The following LRRC4C variants were observed in gnomAD, a reference collection of about 807,000 sequenced individuals.
LRRC4C encodes the protein leucine-rich repeat-containing protein 4C.
In LRRC4C, 5 loss-of-function variants were observed where a neutral mutation model predicts 33.6. That is an observed-to-expected ratio of 0.15 (90% CI 0.08 to 0.31). The LOEUF is 0.31. LRRC4C is among the 10% of genes least tolerant of loss of function. The probability of loss-of-function intolerance (pLI) is 1.00; values close to 1 mark genes in which losing one functional copy is unlikely to be tolerated. For missense variants in LRRC4C, 560 were observed against 796.7 expected, an observed-to-expected ratio of 0.70 and a Z score of 3.58; for synonymous variants, 329 against 302.0, an observed-to-expected ratio of 1.09 and a Z score of -0.93.
intron 5 of LRRC4C, among the ~76,000 whole-genome samples, chr11:40,205,060 C>A (rs1223895819): frequency 2.6e-5 from 4 of 152,146 alleles, no homozygotes. Flanking sequence ...TTTACACATC[C>A]TTTAAATATC....
At chr11:40,721,152 C>G (rs1050249833) in intron 2 of LRRC4C, among the ~76,000 whole-genome samples, 1 of 152,110 alleles carries the variant, frequency 6.6e-6, no homozygotes, top group Non-Finnish European at 1.5e-5. Flanking sequence ...GTATCCTTCC[C>G]AAATTTATCT....
intron 3 of LRRC4C, among the ~76,000 whole-genome samples, chr11:40,637,719 C>T (rs74368517): frequency 6.6e-6 from 1 of 152,176 alleles, no homozygotes; most frequent in East Asian, 1.9e-4. Flanking sequence ...GTTCTTACCA[C>T]TTTCACATCT....
intron 1 of LRRC4C, among the ~76,000 whole-genome samples, chr11:41,392,753 G>A (rs542115149): frequency 4.3e-4 from 65 of 151,932 alleles, no homozygotes; most frequent in Non-Finnish European, 6.3e-4. Flanking sequence ...AATGAGTGCA[G>A]AAATTGGAGT....
At chr11:40,244,030 T>A (rs1157950733) in intron 4 of LRRC4C, among the ~76,000 whole-genome samples, 2 of 151,990 alleles carry the variant, frequency 1.3e-5, no homozygotes, top group African/African-American at 2.4e-5. Context: ...AATCATCACA[T>A]CTGTGTTCAT....
intron 1 of LRRC4C, among the ~76,000 whole-genome samples, chr11:41,232,598 A>T (rs892415556): frequency 6.6e-6 from 1 of 152,112 alleles, no homozygotes; most frequent in African/African-American, 2.4e-5. Flanking sequence ...TATTCTAGTT[A>T]TCAATAAATA....
chr11:40,385,005 T>C (rs1308591939), intron 3 of LRRC4C, among the ~76,000 whole-genome samples: 1 of 152,234 alleles, frequency 6.6e-6, no homozygotes, highest in Non-Finnish European at 1.5e-5. Context: ...ATATTAAGTA[T>C]ATTTCCAAAA....
chr11:41,265,917 C>T (rs1313414935), intron 1 of LRRC4C, among the ~76,000 whole-genome samples: 1 of 151,302 alleles, frequency 6.6e-6, no homozygotes, highest in Non-Finnish European at 1.5e-5. Context: ...ATAGTCAGTT[C>T]TCCAACATAA....
At chr11:41,226,361 C>A (rs1947534786) in intron 1 of LRRC4C, among the ~76,000 whole-genome samples, 1 of 152,042 alleles carries the variant, frequency 6.6e-6, no homozygotes, top group South Asian at 2.1e-4. Flanking sequence ...TGCCTGAGTC[C>A]TCACTCTTGA....
At chr11:41,105,673 A>G (rs1047264654) in intron 1 of LRRC4C, among the ~76,000 whole-genome samples, 6 of 152,058 alleles carry the variant, frequency 3.9e-5, no homozygotes, top group African/African-American at 1.4e-4. Context: ...TATCCAGGTA[A>G]ATGCAGTGGC....
intron 3 of LRRC4C, among the ~76,000 whole-genome samples, chr11:40,508,117 A>G (rs566799238): frequency 6.6e-6 from 1 of 152,298 alleles, no homozygotes; most frequent in East Asian, 1.9e-4. Context: ...ATACTGTACA[A>G]TGACAAATAA....
intron 2 of LRRC4C, among the ~76,000 whole-genome samples, chr11:40,867,880 A>G (rs370710747): frequency 2.0e-5 from 3 of 152,248 alleles, no homozygotes; most frequent in African/African-American, 7.2e-5. Flanking sequence ...TGCTCATTAG[A>G]TAATGTCACT....
intron 6 of LRRC4C, among the ~76,000 whole-genome samples, chr11:40,119,730 G>A (rs1855691264): frequency 6.6e-6 from 1 of 151,922 alleles, no homozygotes; most frequent in Non-Finnish European, 1.5e-5. Flanking sequence ...TCCTAGAGAG[G>A]CTACCCTTTC....
At chr11:40,645,864 A>G (rs1942420203) in intron 3 of LRRC4C, among the ~76,000 whole-genome samples, 1 of 152,106 alleles carries the variant, frequency 6.6e-6, no homozygotes, top group African/African-American at 2.4e-5. Flanking sequence ...CTGAGCTTCT[A>G]AAGTCCCTCT....
At chr11:41,199,783 C>A (rs533844582) in intron 1 of LRRC4C, among the ~76,000 whole-genome samples, 96 of 152,196 alleles carry the variant, frequency 6.3e-4, no homozygotes, top group African/African-American at 2.0e-3. Context: ...ACTAGCTGGA[C>A]CTTCTTTCTG....
At chr11:40,151,337 G>A (rs1858189973) in intron 5 of LRRC4C, among the ~76,000 whole-genome samples, 1 of 152,128 alleles carries the variant, frequency 6.6e-6, no homozygotes, top group African/African-American at 2.4e-5. Flanking sequence ...GAAAACACAA[G>A]TAACAAAGAT....
At chr11:41,264,946 T>C (rs1266958929) in intron 1 of LRRC4C, among the ~76,000 whole-genome samples, 1 of 152,154 alleles carries the variant, frequency 6.6e-6, no homozygotes, top group East Asian at 1.9e-4. Context: ...GGGCCTAGAA[T>C]GCAGGTCTTT....
At chr11:41,012,019 T>A (rs1215450448) in intron 1 of LRRC4C, among the ~76,000 whole-genome samples, 1 of 151,320 alleles carries the variant, frequency 6.6e-6, no homozygotes, top group Non-Finnish European at 1.5e-5. Flanking sequence ...AATCCTATAA[T>A]TTGTAAAGAT....
chr11:40,382,123 A>ATTTTTTTTTTTTTTTT (rs77934711), intron 3 of LRRC4C, among the ~76,000 whole-genome samples: 4 of 99,984 alleles, frequency 4.0e-5, no homozygotes, highest in East Asian at 3.0e-4. Context: ...TGCCCGGCTA[A>ATTTTTTTTTTTTTTTT]TTTTTTTTTT....
At chr11:41,232,294 G>A (rs1160416577) in intron 1 of LRRC4C, among the ~76,000 whole-genome samples, 1 of 151,944 alleles carries the variant, frequency 6.6e-6, no homozygotes, top group African/African-American at 2.4e-5. Flanking sequence ...TCTCAACTTC[G>A]GTGACTTTGA....
Sources: gnomAD v4.1 joint callset for allele counts (sites outside exome capture counted in the v4.1 genomes callset) on GRCh38, gnomAD v4.1.1 for gene constraint, MANE v1.5 for transcripts, NCBI Gene and HGNC (gene_info 2026-07-23, HGNC 2026-07-21) for gene names.